SCAF8: variants seen among roughly 807,000 people sequenced by gnomAD.
The protein encoded by SCAF8 is SR-related CTD associated factor 8, also known as SR-related and CTD-associated factor 8.
A neutral mutation model predicts 140.5 loss-of-function variants in SCAF8; 23 were observed. The ratio of observed to expected loss-of-function variants is 0.16; its 90% CI spans 0.12 to 0.23. The LOEUF is 0.23. SCAF8 is among the 10% of genes least tolerant of loss of function. SCAF8 has a pLI of 1.00. For synonymous variants in SCAF8, 575 were observed against 528.9 expected (o/e 1.09, Z -1.20); for missense variants, 1,397 against 1,555.7 (o/e 0.90, Z 1.72).
intron 1 of SCAF8, among the ~76,000 whole-genome samples, chr6:154,745,868 CGTG>C (rs1249633743): frequency 6.6e-6 from 1 of 151,778 alleles, no homozygotes; most frequent in African/African-American, 2.4e-5. Flanking sequence ...AGTATGAACT[CGTG>C]GTGTTTTTTG....
intron 18 of SCAF8, among the ~76,000 whole-genome samples, chr6:154,829,677 T>A (rs1331734141): frequency 6.6e-6 from 1 of 152,042 alleles, no homozygotes; most frequent in Non-Finnish European, 1.5e-5. Flanking sequence ...GAGGCTGAGG[T>A]GGGTGGATCA....
chr6:154,733,616 G>A lies in SCAF8; in HGVS notation c.-285G>A. On this transcript the variant is annotated 5_prime_UTR_variant, in exon 1 of 20. Coordinates refer to ENST00000367178, the MANE Select transcript of SCAF8 (RefSeq NM_014892.5). ...GGGGCAGAGAAGAGAAGGCGCCGCG[G>A]CCCAGCCCCTCCCCCGCCCGCCGCC... The A allele has an allele frequency of 7.7e-7, 1 of 1,295,164 alleles. No individual in the cohort carries two copies. 80.2% of individuals were successfully genotyped at this position (1,295,164 alleles called of 1,614,324 possible).
intron 1 of SCAF8, among the ~76,000 whole-genome samples, chr6:154,756,587 T>G (rs1778971722): frequency 6.6e-6 from 1 of 152,212 alleles, no homozygotes; most frequent in African/African-American, 2.4e-5. Context: ...TGTTTTTAGT[T>G]GATTATACCT....
At position 154,818,593 on chromosome 6, in the gene SCAF8, G is replaced by A; in HGVS notation, c.1635+1G>A. On this transcript the variant is annotated splice_donor_variant, in intron 14 of 19. Coordinates refer to ENST00000367178, the MANE Select transcript of SCAF8 (RefSeq NM_014892.5). LOFTEE classifies it high-confidence loss of function. ...TAAAATTGGGTCCAAGGTCATTAAGGTGAGATTTGGTGGATTGGAACTTGG... is the reference window on the plus strand; with the variant it reads ...TAAAATTGGGTCCAAGGTCATTAAGATGAGATTTGGTGGATTGGAACTTGG... The A allele has an allele frequency of 6.7e-7, 1 of 1,493,852 alleles. No homozygotes were observed. The highest frequency in any genetic ancestry group is 9.3e-7 in the Non-Finnish European group (1 of 1,080,160). The allele number at this position is 1,493,852 out of a possible 1,614,324, so 92.5% of individuals were successfully genotyped here.
chr6:154,747,347 C>G (rs1197975293), intron 1 of SCAF8, among the ~76,000 whole-genome samples: 2 of 151,984 alleles, frequency 1.3e-5, no homozygotes, highest in African/African-American at 2.4e-5. Flanking sequence ...AACAATATGT[C>G]TCTACAAAAA....
At chr6:154,738,667 T>C (rs1391226260) in intron 1 of SCAF8, among the ~76,000 whole-genome samples, 2 of 152,232 alleles carry the variant, frequency 1.3e-5, no homozygotes, top group East Asian at 1.9e-4. Flanking sequence ...GTGCAAGCTA[T>C]TGCAGTTGCT....
intron 12 of SCAF8, among the ~76,000 whole-genome samples, chr6:154,812,310 T>TTG (rs1441986057): frequency 4.4e-4 from 67 of 150,634 alleles, no homozygotes; most frequent in South Asian, 4.2e-4. Flanking sequence ...TTTTTTTTTT[T>TTG]TTTGCAAAAA....
chr6:154,752,467 T>A (rs888729802), intron 1 of SCAF8, among the ~76,000 whole-genome samples: 6 of 152,186 alleles, frequency 3.9e-5, no homozygotes, highest in Admixed American at 2.0e-4. Context: ...TTTATTCTTC[T>A]ACTAGGGGAT....
Position 154,736,958 on chromosome 6 carries a change from C to G in SCAF8, c.30+3028C>G, listed in dbSNP as rs1582988165. 2.0e-5 allele frequency among the ~76,000 whole-genome samples: 3 copies of G among 152,144 alleles called. No homozygotes were observed. In the East Asian group the frequency reaches 5.8e-4, roughly 29 times the overall value. ...AAGGGAAATATATTTGAAGAAGATT[C>G]AGAAAAATACTTTTTTTTTTAAACA... On this transcript the variant is annotated intron_variant, in intron 1 of 19. Transcript: ENST00000367178.
At chr6:154,768,150 TGGTCCTTATA>T (rs895333899) in intron 1 of SCAF8, among the ~76,000 whole-genome samples, 4 of 152,218 alleles carry the variant, frequency 2.6e-5, no homozygotes, top group Admixed American at 6.5e-5. Context: ...TTTTTGACAG[TGGTCCTTATA>T]GGCCAGATTC....
At chr6:154,810,636 A>G (rs760968985) in intron 12 of SCAF8, among the ~76,000 whole-genome samples, 1 of 152,222 alleles carries the variant, frequency 6.6e-6, no homozygotes, top group Non-Finnish European at 1.5e-5. Flanking sequence ...GCACTACAGG[A>G]TAATTCCTAC....
At position 154,777,997 on chromosome 6, in the gene SCAF8, T is replaced by TG. The variant is rs1156289884; in HGVS notation, c.115-4_115-3insG. 1 of 1,495,606 alleles carries TG rather than the reference T, an allele frequency of 6.7e-7. No individual in the cohort carries two copies. The highest frequency in any genetic ancestry group is 1.7e-5 in the Admixed American group (1 of 57,310). The allele number at this position is 1,495,606 out of a possible 1,614,324, so 92.6% of individuals were successfully genotyped here. A position where few individuals can be genotyped will look rare whatever the true frequency, so the allele number is the denominator to read the frequency against. ...AACCATACTTCATTTTTTTCCTCTTTTAGTTCTATAAACATGTGGTACAGA... is the reference window on the plus strand; with the variant it reads ...AACCATACTTCATTTTTTTCCTCTTTGTAGTTCTATAAACATGTGGTACAGA... On this transcript the variant is annotated splice_polypyrimidine_tract_variant and splice_region_variant and intron_variant, in intron 2 of 19. Coordinates refer to ENST00000367178, the MANE Select transcript of SCAF8 (RefSeq NM_014892.5).
At chr6:154,801,929 A>T (rs759845582) in intron 6 of SCAF8, 42 bp from the exon 7 acceptor site, 3 of 1,461,014 alleles carry the variant, frequency 2.1e-6, no homozygotes, top group African/African-American at 2.9e-5. Context: ...TTACAGAAAA[A>T]ACCCAACACC....
intron 1 of SCAF8, among the ~76,000 whole-genome samples, chr6:154,768,409 T>G (rs1776643840): frequency 6.6e-6 from 1 of 152,232 alleles, no homozygotes; most frequent in Admixed American, 6.5e-5. Context: ...TGCAATTTAT[T>G]AGAGAGATGA....
chr6:154,782,637 T>G (rs1019828938), intron 3 of SCAF8, among the ~76,000 whole-genome samples: 1 of 152,100 alleles, frequency 6.6e-6, no homozygotes, highest in African/African-American at 2.4e-5. Flanking sequence ...AATATTAACA[T>G]AAGTATTAAC....
At position 154,803,705 on chromosome 6, in the gene SCAF8, G is replaced by A; in HGVS notation, c.863+82G>A. 5 of 807,914 alleles carry A rather than the reference G, an allele frequency of 6.2e-6. No individual in the cohort carries two copies. In the Admixed American group the frequency reaches 1.1e-4, roughly 18 times the overall value. 50.0% of individuals were successfully genotyped at this position (807,914 alleles called of 1,614,324 possible). The stretch of plus-strand genomic sequence containing the variant: ...CTGAATTACTAAGTATACTTAGTAA[G>A]TTGGGATTATTATTTCAAGCTGTTG... On this transcript the variant is annotated intron_variant, in intron 8 of 19. Coordinates refer to ENST00000367178, the MANE Select transcript of SCAF8 (RefSeq NM_014892.5).
chr6:154,761,575 G>C (rs1776403586), intron 1 of SCAF8, among the ~76,000 whole-genome samples: 1 of 152,108 alleles, frequency 6.6e-6, no homozygotes, highest in African/African-American at 2.4e-5. Flanking sequence ...GAGGAGCTTT[G>C]GCTTTATCAA....
At position 154,795,061 on chromosome 6, in the gene SCAF8, T is replaced by C. The variant is rs1291863749; in HGVS notation, c.528T>C (p.Asp176=). 1.2e-6 allele frequency: 2 copies of C among 1,613,570 alleles called. No homozygotes were observed. Among genetic ancestry groups the C allele is most frequent in the Non-Finnish European group, 1.7e-6 (2 of 1,179,816 alleles). The change falls in exon 6 of 20, where the codon GAT becomes GAC. Residue 176 remains aspartate, a synonymous_variant. Coordinates refer to ENST00000367178, the MANE Select transcript of SCAF8 (RefSeq NM_014892.5). ...TPANVVQGLP[D]PWVSQITNTD... ...CCAATGTGGTCCAAGGCTTACCTGATCCGTGGGTATCTCAGATAACAAATA... is the reference window on the plus strand; with the variant it reads ...CCAATGTGGTCCAAGGCTTACCTGACCCGTGGGTATCTCAGATAACAAATA...
chr6:154,815,450 C>A (rs1485242639), intron 12 of SCAF8, among the ~76,000 whole-genome samples: 1 of 152,118 alleles, frequency 6.6e-6, no homozygotes, highest in East Asian at 1.9e-4. Context: ...TAGAATGGGA[C>A]CCTGGCATCC....
Sources: allele counts gnomAD v4.1 joint callset (sites outside exome capture counted in the v4.1 genomes callset), GRCh38; gene constraint gnomAD v4.1.1; transcripts MANE v1.5; gene names NCBI Gene and HGNC (gene_info 2026-07-23, HGNC 2026-07-21).